BAZ2B: variants seen among roughly 807,000 people sequenced by gnomAD.
BAZ2B encodes bromodomain adjacent to zinc finger domain protein 2B.
Under a neutral mutation model 246.0 loss-of-function variants are expected in BAZ2B, and 91 were observed. The observed-to-expected ratio is 0.37, with a 90% CI of 0.31 to 0.44. BAZ2B has a LOEUF of 0.44. Among genes scored for constraint, BAZ2B ranks in the 20% least tolerant of loss-of-function variants. BAZ2B has a pLI of 1.00. For missense variants in BAZ2B, 2,332 were observed against 2,533.7 expected, an observed-to-expected ratio of 0.92 and a Z score of 1.71; for synonymous variants, 855 against 860.0, an observed-to-expected ratio of 0.99 and a Z score of 0.10.
At chr2:159,455,501 C>A (rs1247438888) in intron 3 of BAZ2B, among the ~76,000 whole-genome samples, 1 of 152,038 alleles carries the variant, frequency 6.6e-6, no homozygotes, top group Non-Finnish European at 1.5e-5. Flanking sequence ...CTAGATCTCA[C>A]AGGGAAGATC....
chr2:159,501,284 C>T (rs912544861), intron 2 of BAZ2B, among the ~76,000 whole-genome samples: 1 of 128,058 alleles, frequency 7.8e-6, no homozygotes, highest in Admixed American at 8.2e-5. Flanking sequence ...GTCCCAGCTA[C>T]TCAGGAGGCT....
In BAZ2B at chr2:159,575,419, T is replaced by A. The variant is rs75056506; in HGVS notation, c.-45-19554A>T. ...ACAGGCATGTATCAAGGGCTTACCA[T>A]CTTCTAGACACAGAGTTATAAAGAG... On this transcript the variant is annotated intron_variant, in intron 1 of 36. Transcript: ENST00000392783. Among the ~76,000 whole-genome samples, 1,143 of 152,304 alleles carry A rather than the reference T, an allele frequency of 7.5e-3. 40 individuals carry two copies. The East Asian group carries it at 0.11, about 14-fold the overall frequency.
chr2:159,333,075 T>A (rs2065042318), intron 33 of BAZ2B: 1 of 154,460 alleles, frequency 6.5e-6, no homozygotes, highest in African/African-American at 2.4e-5. Flanking sequence ...TATCTTAGCA[T>A]CCTCATGATA....
At chr2:159,424,592 T>C (rs1390949470) in intron 13 of BAZ2B, among the ~76,000 whole-genome samples, 1 of 152,142 alleles carries the variant, frequency 6.6e-6, no homozygotes, top group East Asian at 1.9e-4. Context: ...GGATATGTTT[T>C]AAGATTAAAA....
At chr2:159,687,829 A>G in the BAZ2B span, among the ~76,000 whole-genome samples, 1 of 152,276 alleles carries the variant, frequency 6.6e-6, no homozygotes, top group South Asian at 2.1e-4. Flanking sequence ...TGTGGGACTA[A>G]GCCCTACTTA....
intron 2 of BAZ2B, among the ~76,000 whole-genome samples, chr2:159,517,972 T>C (rs1027432745): frequency 1.4e-4 from 21 of 152,188 alleles, no homozygotes; most frequent in South Asian, 2.1e-4. Context: ...TTAAAAACCA[T>C]AGTAGTCACA....
rs148452212 is a variant in BAZ2B at position 159,411,713 on chromosome 2, G to T, written c.2677+622C>A. Among the ~76,000 whole-genome samples, 381 of 152,248 alleles carry T rather than the reference G, an allele frequency of 2.5e-3. 1 individual carries two copies. Among genetic ancestry groups the T allele is most frequent in the African/African-American group, 8.8e-3 (365 of 41,550 alleles). On this transcript the variant is annotated intron_variant, in intron 14 of 36. Coordinates refer to ENST00000392783, the MANE Select transcript of BAZ2B (RefSeq NM_013450.4). ...GCCATACATAGCATGGGACTTTCAT[G>T]TTGACATTTTATGTATAATGTCAAA...
At chr2:159,494,041 G>A (rs185250842) in intron 2 of BAZ2B, among the ~76,000 whole-genome samples, 82 of 152,208 alleles carry the variant, frequency 5.4e-4, no homozygotes, top group Non-Finnish European at 9.1e-4. Context: ...CACTAAAGCC[G>A]AGGTATTCCA....
intron 14 of BAZ2B, among the ~76,000 whole-genome samples, chr2:159,406,771 T>C (rs1452696622): frequency 4.6e-5 from 7 of 152,228 alleles, no homozygotes; most frequent in African/African-American, 1.7e-4. Context: ...TTTCTTTTTT[T>C]TTGAAACGGA....
intron 1 of BAZ2B, among the ~76,000 whole-genome samples, chr2:159,574,978 A>G (rs1684955111): frequency 6.6e-6 from 1 of 152,136 alleles, no homozygotes; most frequent in African/African-American, 2.4e-5. Flanking sequence ...TCAAAAAAAA[A>G]AGAAAAGAAA....
In BAZ2B at chr2:159,477,122, G is replaced by A. The variant is rs184987684; in HGVS notation, c.145+1453C>T. On this transcript the variant is annotated intron_variant, in intron 3 of 36. Coordinates refer to ENST00000392783, the MANE Select transcript of BAZ2B (RefSeq NM_013450.4). Reference sequence around the variant, plus strand: ...ACATCAAGACCATCCTGGCTAACACGGTGAAACCCCGTCTCTACTAAAAAT... The same window carrying A: ...ACATCAAGACCATCCTGGCTAACACAGTGAAACCCCGTCTCTACTAAAAAT... Among the ~76,000 whole-genome samples, 17 of 152,168 alleles carry A rather than the reference G, an allele frequency of 1.1e-4. No homozygotes were observed. In the East Asian group the frequency reaches 2.1e-3, roughly 19 times the overall value.
chr2:159,630,826 G>A, the BAZ2B span, among the ~76,000 whole-genome samples: 2 of 151,792 alleles, frequency 1.3e-5, no homozygotes, highest in Non-Finnish European at 2.9e-5. Context: ...GAGCCACCGC[G>A]CCCGGCCAGA....
intron 2 of BAZ2B, among the ~76,000 whole-genome samples, chr2:159,496,158 G>A (rs1254083097): frequency 2.0e-5 from 3 of 148,778 alleles, no homozygotes; most frequent in East Asian, 2.1e-4. Flanking sequence ...GGCAGATCAC[G>A]AGGTCAGAAG....
intron 13 of BAZ2B, among the ~76,000 whole-genome samples, chr2:159,418,743 C>T (rs939378836): frequency 1.3e-5 from 2 of 152,146 alleles, no homozygotes; most frequent in Non-Finnish European, 2.9e-5. Flanking sequence ...TGGGATGCAG[C>T]AATTTCACAT....
At position 159,404,923 on chromosome 2, in the gene BAZ2B, A is replaced by G. The variant is rs1019021468; in HGVS notation, c.2771-13T>C. On this transcript the variant is annotated splice_polypyrimidine_tract_variant and intron_variant, in intron 15 of 36. Coordinates refer to ENST00000392783, the MANE Select transcript of BAZ2B (RefSeq NM_013450.4). ...GCAGCCATTATTGCTACAAGAAACC[A>G]AAGGATAGATATCATCAAAAAGGGA... The G allele has an allele frequency of 1.9e-6, 3 of 1,613,472 alleles. No individual in the cohort carries two copies. The highest frequency in any genetic ancestry group is 1.3e-5 in the African/African-American group (1 of 74,928).
chr2:159,359,341 A>G lies in BAZ2B; in HGVS notation c.4214-8984T>C, dbSNP rs568944376. 3.3e-5 allele frequency among the ~76,000 whole-genome samples: 5 copies of G among 152,368 alleles called. No homozygotes were observed. The South Asian group carries it at 8.3e-4, about 25-fold the overall frequency. On this transcript the variant is annotated intron_variant, in intron 27 of 36. Transcript: ENST00000392783. ...ATACTAGAAACACCTCTACGCAAATAAACTAAAAATCTGGAAGAAATGGAT... is the reference window on the plus strand; with the variant it reads ...ATACTAGAAACACCTCTACGCAAATGAACTAAAAATCTGGAAGAAATGGAT...
rs571310839 is a variant in BAZ2B at position 159,482,416 on chromosome 2, T to C, written c.-2-3695A>G. On this transcript the variant is annotated intron_variant, in intron 2 of 36. Transcript: ENST00000392783. ...TGGGAGGATTAAATGAGATAATGCA[T>C]GTAAAGGGTAGAGTACCTAGCATTT... Among the ~76,000 whole-genome samples the C allele has an allele frequency of 5.9e-5, 9 of 152,304 alleles. No individual in the cohort carries two copies. In the South Asian group the frequency reaches 1.9e-3, roughly 32 times the overall value.
intron 1 of BAZ2B, among the ~76,000 whole-genome samples, chr2:159,596,604 G>A (rs1690775366): frequency 2.6e-5 from 4 of 152,126 alleles, no homozygotes; most frequent in African/African-American, 7.2e-5. Context: ...GTGGTGATCT[G>A]TGAGATTTTG....
At chr2:159,479,428 A>G (rs560430913) in intron 2 of BAZ2B, among the ~76,000 whole-genome samples, 1 of 152,192 alleles carries the variant, frequency 6.6e-6, no homozygotes, top group Non-Finnish European at 1.5e-5. Context: ...TTTTATATTC[A>G]TTTTAATACT....
Sources: allele counts gnomAD v4.1 joint callset (sites outside exome capture counted in the v4.1 genomes callset), GRCh38; gene constraint gnomAD v4.1.1; transcripts MANE v1.5; gene names NCBI Gene and HGNC (gene_info 2026-07-23, HGNC 2026-07-21).